Variants in GOLGB1 observed in about 807,000 individuals in gnomAD.
GOLGB1 encodes golgin subfamily B member 1.
GOLGB1 carries 174 observed loss-of-function variants against 336.9 expected under a neutral mutation model. The observed-to-expected ratio is 0.52, with a 90% CI of 0.46 to 0.59. GOLGB1 has a LOEUF of 0.59. Ranked by LOEUF, GOLGB1 falls within the 20% of genes least tolerant of loss-of-function variation. The pLI, the probability that GOLGB1 is intolerant of heterozygous loss-of-function variation, is 0.00. For synonymous variants in GOLGB1, 1,208 were observed against 1,289.2 expected (o/e 0.94, Z 1.35); for missense variants, 3,331 against 3,645.3 (o/e 0.91, Z 2.22).
rs566118594 is a variant in GOLGB1 at position 121,669,235 on chromosome 3, T to C, written c.9298A>G (p.Lys3100Glu). Residue 3100 changes from lysine to glutamate, a missense_variant, in exon 18 of 22, where the codon AAG (lysine) becomes GAG (glutamate). By Grantham distance (56) the Lys-to-Glu change is moderately conservative. Coordinates refer to ENST00000614479, the MANE Select transcript of GOLGB1 (RefSeq NM_001366282.2). ...ACCGCCTGCAGCTCTTGAACCTGCTTCTCCAAGACTGCACAGTGATTTAAA... is the reference window on the plus strand; with the variant it reads ...ACCGCCTGCAGCTCTTGAACCTGCTCCTCCAAGACTGCACAGTGATTTAAA... ...DLLNHCAVLE[K>E]QVQELQAGPL... 1 of 1,613,886 alleles carries C rather than the reference T, an allele frequency of 6.2e-7. No individual in the cohort carries two copies. Among genetic ancestry groups the C allele is most frequent in the South Asian group, 1.1e-5 (1 of 91,038 alleles).
intron 7 of GOLGB1, among the ~76,000 whole-genome samples, chr3:121,719,319 T>C (rs977684950): frequency 5.8e-4 from 88 of 152,328 alleles, no homozygotes; most frequent in Non-Finnish European, 8.7e-4. Flanking sequence ...ACTGACTTCA[T>C]TGATTTGAAG....
At chr3:121,689,359 C>T (rs1295798353) in intron 14 of GOLGB1, among the ~76,000 whole-genome samples, 6 of 152,142 alleles carry the variant, frequency 3.9e-5, no homozygotes, top group Non-Finnish European at 8.8e-5. Flanking sequence ...ACCCCCAACC[C>T]TGTGCTCTCT....
intron 16 of GOLGB1, 35 bp downstream of exon 16, chr3:121,677,250 A>C: frequency 6.7e-7 from 1 of 1,497,976 alleles, no homozygotes; most frequent in Non-Finnish European, 9.2e-7. Flanking sequence ...TTAAAAATTT[A>C]TCTCTGAGTA....
At chr3:121,735,204 G>C (rs1258768122) in intron 1 of GOLGB1, among the ~76,000 whole-genome samples, 9 of 152,182 alleles carry the variant, frequency 5.9e-5, no homozygotes, top group Non-Finnish European at 1.5e-5. Flanking sequence ...GTATGATCTT[G>C]AAGTAGTAAA....
intron 17 of GOLGB1, among the ~76,000 whole-genome samples, chr3:121,672,047 G>A (rs150398999): frequency 2.0e-4 from 30 of 152,192 alleles, no homozygotes; most frequent in African/African-American, 6.3e-4. Context: ...ATCTGTTGAC[G>A]GGTACTTACA....
rs1391741908 is a variant in GOLGB1 at position 121,669,205 on chromosome 3, T to C, written c.9321+7A>G. 3.1e-6 allele frequency: 5 copies of C among 1,613,286 alleles called. 1 individual carries two copies. Among genetic ancestry groups the C allele is most frequent in the Middle Eastern group, 1.8e-4 (1 of 5,618 alleles). The stretch of plus-strand genomic sequence containing the variant: ...TTCTCCCAGTCTCTCACCTTCTCTT[T>C]ACTCACCGCCTGCAGCTCTTGAACC... On this transcript the variant is annotated splice_region_variant and intron_variant, in intron 18 of 21. Coordinates refer to ENST00000614479, the MANE Select transcript of GOLGB1 (RefSeq NM_001366282.2).
At chr3:121,669,554 T>A (rs899798564) in intron 17 of GOLGB1, among the ~76,000 whole-genome samples, 199 bp from the exon 18 acceptor site, 2 of 152,034 alleles carry the variant, frequency 1.3e-5, no homozygotes. Flanking sequence ...TCTGGAGGAG[T>A]AGCAGAAAGG....
chr3:121,745,490 A>G (rs918114701), intron 1 of GOLGB1, among the ~76,000 whole-genome samples: 2 of 148,090 alleles, frequency 1.4e-5, no homozygotes, highest in Admixed American at 6.8e-5. Context: ...GTATGTATAT[A>G]TACATATGTA....
chr3:121,670,046 A>G (rs1939265076), intron 17 of GOLGB1, among the ~76,000 whole-genome samples: 1 of 152,206 alleles, frequency 6.6e-6, no homozygotes, highest in South Asian at 2.1e-4. Context: ...CAGGGCGCCC[A>G]CTGCCTGACA....
intron 8 of GOLGB1, among the ~76,000 whole-genome samples, 187 bp downstream of exon 8, chr3:121,718,201 C>T (rs1014730056): frequency 2.0e-5 from 3 of 152,094 alleles, no homozygotes; most frequent in East Asian, 1.9e-4. Flanking sequence ...AGGGAAAGAA[C>T]TGTATTTAGT....
chr3:121,727,289 CACACATATATATATATAT>C (rs1213701463), intron 4 of GOLGB1, among the ~76,000 whole-genome samples: 15 of 44,374 alleles, frequency 3.4e-4, no homozygotes, highest in African/African-American at 8.7e-4. Context: ...CATACACACA[CACACATATATATATATAT>C]ATATATATAT....
chr3:121,667,547 C>T lies in GOLGB1; in HGVS notation c.9483G>A (p.Leu3161=). 1.2e-6 allele frequency: 2 copies of T among 1,614,070 alleles called. No individual in the cohort carries two copies. The highest frequency in any genetic ancestry group is 1.7e-6 in the Non-Finnish European group (2 of 1,179,892). Residue 3161 remains leucine, a synonymous_variant, in exon 20 of 22, where the codon CTG becomes CTA. Coordinates refer to ENST00000614479, the MANE Select transcript of GOLGB1 (RefSeq NM_001366282.2). The part of the protein sequence containing the change: ...TRQEVNELRK[L]LEEERDQRVA... Reference sequence around the variant, plus strand: ...CTCTTTGGTCTCGTTCTTCTTCCAGCAGCTTCCTTAATTCATTCACTTCCT... The same window carrying T: ...CTCTTTGGTCTCGTTCTTCTTCCAGTAGCTTCCTTAATTCATTCACTTCCT...
rs145307068 is a variant in GOLGB1, at chr3:121,685,026, C to A, written c.8695-3161G>T. Among the ~76,000 whole-genome samples the A allele has an allele frequency of 4.0e-4, 61 of 152,202 alleles. No homozygotes were observed. The East Asian group carries it at 8.5e-3, about 21-fold the overall frequency. On this transcript the variant is annotated intron_variant, in intron 14 of 21. Coordinates refer to ENST00000614479, the MANE Select transcript of GOLGB1 (RefSeq NM_001366282.2). ...GAGATGTGGACAAATGGCAGTAAAT[C>A]TGAGGTTAAATTACATTAAGTACAA...
intron 1 of GOLGB1, among the ~76,000 whole-genome samples, chr3:121,738,064 T>G (rs1026958803): frequency 6.6e-6 from 1 of 152,232 alleles, no homozygotes; most frequent in East Asian, 1.9e-4. Context: ...GTATACAGAT[T>G]CTAAACTTTC....
chr3:121,699,778 C>T (rs772912611), intron 12 of GOLGB1, 34 bp downstream of exon 12: 5 of 1,263,704 alleles, frequency 4.0e-6, no homozygotes, highest in Non-Finnish European at 5.7e-6. Flanking sequence ...TAATCTAGCT[C>T]ATGTTCTGGT....
rs572869269 is a variant in GOLGB1, at chr3:121,681,865, G to C, written c.8695C>G (p.Leu2899Val). ...TGCTGCAGATTCTTCAATTCCTTCA[G>C]CTTTAACCAAAGGGAAAGTAAAATG... ...SSLQNDRDRL[L>V]KELKNLQQQY... Residue 2899 changes from leucine to valine, a missense_variant and splice_region_variant, in exon 15 of 22, where the codon CTG (leucine) becomes GTG (valine). Leu to Val is a conservative substitution (Grantham distance 32). Coordinates refer to ENST00000614479, the MANE Select transcript of GOLGB1 (RefSeq NM_001366282.2). 4 of 1,589,578 alleles carry C rather than the reference G, an allele frequency of 2.5e-6. No individual in the cohort carries two copies. In the South Asian group the frequency reaches 4.5e-5, roughly 18 times the overall value.
intron 6 of GOLGB1, among the ~76,000 whole-genome samples, chr3:121,721,248 A>G (rs1945173289): frequency 6.6e-6 from 1 of 152,180 alleles, no homozygotes; most frequent in Non-Finnish European, 1.5e-5. Flanking sequence ...AATTATTAAT[A>G]AAGTAAACAC....
At chr3:121,740,598 C>T (rs1452668931) in intron 1 of GOLGB1, among the ~76,000 whole-genome samples, 4 of 152,178 alleles carry the variant, frequency 2.6e-5, no homozygotes, top group Non-Finnish European at 5.9e-5. Context: ...ATACACCAGA[C>T]TTCTGCACTA....
chr3:121,737,276 T>C (rs957677790), intron 1 of GOLGB1, among the ~76,000 whole-genome samples: 5 of 152,182 alleles, frequency 3.3e-5, no homozygotes, highest in African/African-American at 1.2e-4. Context: ...AAAATCAAAA[T>C]AGAACTGGAC....
Sources: gnomAD v4.1 joint callset for allele counts (sites outside exome capture counted in the v4.1 genomes callset) on GRCh38, gnomAD v4.1.1 for gene constraint, MANE v1.5 for transcripts, NCBI Gene and HGNC (gene_info 2026-07-23, HGNC 2026-07-21) for gene names.